Variants in DROSHA observed in about 807,000 individuals in gnomAD.
DROSHA encodes ribonuclease 3.
In DROSHA, 56 loss-of-function variants were observed where a neutral mutation model predicts 181.9. The observed-to-expected ratio is 0.31, with a 90% CI of 0.25 to 0.38. DROSHA has a LOEUF of 0.38. DROSHA is among the 10% of genes least tolerant of loss of function. The pLI is 1.00. For missense variants in DROSHA, 1,218 were observed against 1,743.5 expected, an observed-to-expected ratio of 0.70 and a Z score of 5.37; for synonymous variants, 524 against 591.2, an observed-to-expected ratio of 0.89 and a Z score of 1.65.
intron 3 of DROSHA, among the ~76,000 whole-genome samples, chr5:31,529,653 T>C (rs749068654): frequency 4.7e-5 from 7 of 148,800 alleles, no homozygotes; most frequent in Non-Finnish European, 8.9e-5. Context: ...GAGAATGACA[T>C]GAACCTGGGA....
intron 20 of DROSHA, 28 bp from the exon 21 acceptor site, chr5:31,451,668 AACTTTATAAAAACTTAT>A: frequency 6.6e-7 from 1 of 1,524,058 alleles, no homozygotes; most frequent in Non-Finnish European, 8.9e-7. Context: ...CAATATGTTT[AACTTTATAAAAACTTAT>A]AAAGTCACTT....
rs1742922673 is a variant in DROSHA, at chr5:31,422,779, T to A, written c.3419+8A>T. 5.6e-6 allele frequency: 9 copies of A among 1,613,440 alleles called. No individual in the cohort carries two copies. Among genetic ancestry groups the A allele is most frequent in the Non-Finnish European group, 7.6e-6 (9 of 1,179,666 alleles). On this transcript the variant is annotated splice_region_variant and intron_variant, in intron 29 of 35. Transcript: ENST00000344624. ...CACATTGGGACTACATGAGAACTTT[T>A]AACTCACAGGGTCAGATGGTTAAAT...
At chr5:31,511,931 G>GCACACA (rs140148677) in intron 8 of DROSHA, among the ~76,000 whole-genome samples, 1 of 145,424 alleles carries the variant, frequency 6.9e-6, no homozygotes, top group Non-Finnish European at 1.5e-5. Context: ...TCACACACAC[G>GCACACA]CACACACACA....
chr5:31,411,007 G>A lies in DROSHA; in HGVS notation c.3526-120C>T, dbSNP rs1741246608. On this transcript the variant is annotated intron_variant, in intron 30 of 35. Coordinates refer to ENST00000344624, the MANE Select transcript of DROSHA (RefSeq NM_001382508.1). The surrounding 1 kb of genome is among the most constrained non-coding windows in gnomAD (Gnocchi z 4.2). ...TGACAGGGACACCAAAATAAGTGAGGTCTATGGCCTCAACCATCACCCAGA... is the reference window on the plus strand; with the variant it reads ...TGACAGGGACACCAAAATAAGTGAGATCTATGGCCTCAACCATCACCCAGA... 2 of 1,408,834 alleles carry A rather than the reference G, an allele frequency of 1.4e-6. No homozygotes were observed. Among genetic ancestry groups the A allele is most frequent in the Non-Finnish European group, 1.9e-6 (2 of 1,036,482 alleles). 87.3% of individuals were successfully genotyped at this position (1,408,834 alleles called of 1,614,324 possible).
chr5:31,435,898 T>C (rs768872347), intron 24 of DROSHA, 34 bp from the exon 25 acceptor site: 18 of 1,590,500 alleles, frequency 1.1e-5, no homozygotes, highest in Non-Finnish European at 1.5e-5. Context: ...TGAATAAATA[T>C]GCATCACGAC....
At position 31,515,552 on chromosome 5, in the gene DROSHA, TA is replaced by T. The variant is rs1459930932; in HGVS notation, c.959del (p.Leu320TyrfsTer32). 9 of 1,551,328 alleles carry T rather than the reference TA, an allele frequency of 5.8e-6. No homozygotes were observed. The highest frequency in any genetic ancestry group is 7.8e-6 in the Non-Finnish European group (9 of 1,146,666). ...EYKRSGRSYG[L>X]SVVPEPAGCT... is the part of the protein sequence containing the mutation. ...ATCCAGCAGGTTCAGGAACAACCGA[TA>T]AACCGTAACTCCTAAAAGAAAAAGA... On this transcript the variant is annotated frameshift_variant, in exon 7 of 36. Transcript: ENST00000344624. LOFTEE classifies it high-confidence loss of function.
At chr5:31,478,614 A>T (rs1750673223) in intron 16 of DROSHA, among the ~76,000 whole-genome samples, 1 of 152,180 alleles carries the variant, frequency 6.6e-6, no homozygotes, top group Non-Finnish European at 1.5e-5. Flanking sequence ...GGTCCCTGTA[A>T]TCTCAGCAAC....
At chr5:31,406,480 ACT>A (rs1430407261) in intron 34 of DROSHA, among the ~76,000 whole-genome samples, 1 of 151,208 alleles carries the variant, frequency 6.6e-6, no homozygotes, top group East Asian at 1.9e-4. Flanking sequence ...ACAAAGTGAG[ACT>A]CTGTCTCCAA....
intron 6 of DROSHA, among the ~76,000 whole-genome samples, chr5:31,518,688 G>T (rs1739534494): frequency 6.6e-6 from 1 of 152,124 alleles, no homozygotes; most frequent in Admixed American, 6.5e-5. Flanking sequence ...AAGCCTAGGA[G>T]GCAGATATTA....
Position 31,446,185 on chromosome 5 carries a change from G to C in DROSHA, c.2882+2362C>G, listed in dbSNP as rs577410223. 5.9e-5 allele frequency among the ~76,000 whole-genome samples: 9 copies of C among 152,152 alleles called. No individual in the cohort carries two copies. The East Asian group carries it at 1.4e-3, about 23-fold the overall frequency. On this transcript the variant is annotated intron_variant, in intron 23 of 35. Transcript: ENST00000344624. ...TTCCAGGCCGGGCGTGGTGGCTCAC[G>C]CCTGTAATCCCAGCACTTTGGGAGG...
chr5:31,498,107 G>A (rs72751602), intron 11 of DROSHA, among the ~76,000 whole-genome samples: 4 of 152,166 alleles, frequency 2.6e-5, no homozygotes, highest in Admixed American at 2.6e-4. Flanking sequence ...TATGAAAGCT[G>A]CATCTGTGCC....
At position 31,526,130 on chromosome 5, in the gene DROSHA, T is replaced by A; in HGVS notation, c.803A>T (p.Asp268Val). ...AGATGGTGTTCTCCCTCGGTCATAATCAGATCTGTACCGGCTGTCTTGTCT... is the reference window on the plus strand; with the variant it reads ...AGATGGTGTTCTCCCTCGGTCATAAACAGATCTGTACCGGCTGTCTTGTCT... ...RRRQDSRYRSDYDRGRTPSRH... is the reference protein window; with the variant it reads ...RRRQDSRYRSVYDRGRTPSRH... The change falls in exon 5 of 36, where the codon GAT becomes GTT. Residue 268 changes from aspartate to valine, a missense_variant. Around this residue, in one of 8 missense-constraint regions of DROSHA, gnomAD observed 536 missense variants for 535.4 expected, o/e 1.00. Coordinates refer to ENST00000344624, the MANE Select transcript of DROSHA (RefSeq NM_001382508.1). The A allele has an allele frequency of 6.2e-7, 1 of 1,612,216 alleles. No individual in the cohort carries two copies. The highest frequency in any genetic ancestry group is 8.5e-7 in the Non-Finnish European group (1 of 1,178,520).
chr5:31,482,115 G>A (rs1250004502), intron 16 of DROSHA, among the ~76,000 whole-genome samples: 1 of 152,226 alleles, frequency 6.6e-6, no homozygotes, highest in African/African-American at 2.4e-5. Flanking sequence ...AAGGAGGACA[G>A]CACAAACACA....
At chr5:31,507,537 G>A (rs1738134471) in intron 10 of DROSHA, among the ~76,000 whole-genome samples, 1 of 151,790 alleles carries the variant, frequency 6.6e-6, no homozygotes, top group Non-Finnish European at 1.5e-5. Flanking sequence ...AGCAGGTTTG[G>A]CCTGGGAAGT....
chr5:31,519,372 T>C (rs757261172), intron 6 of DROSHA, among the ~76,000 whole-genome samples: 2 of 152,148 alleles, frequency 1.3e-5, no homozygotes, highest in Non-Finnish European at 2.9e-5. Flanking sequence ...TGGCATTTCA[T>C]CCTTCCTAAT....
intron 20 of DROSHA, among the ~76,000 whole-genome samples, chr5:31,462,880 A>G (rs1405507952): frequency 6.6e-6 from 1 of 152,164 alleles, no homozygotes; most frequent in Non-Finnish European, 1.5e-5. Flanking sequence ...GTTCAAAACT[A>G]CTAACTAGAA....
At chr5:31,477,120 C>G (rs778107425) in intron 16 of DROSHA, among the ~76,000 whole-genome samples, 9 of 152,146 alleles carry the variant, frequency 5.9e-5, no homozygotes, top group Non-Finnish European at 1.2e-4. Context: ...TCGGGAAGAA[C>G]TGGAGTTTGT....
intron 22 of DROSHA, 95 bp downstream of exon 22, chr5:31,449,186 G>T: frequency 6.8e-7 from 1 of 1,464,882 alleles, no homozygotes; most frequent in Non-Finnish European, 9.2e-7. Context: ...CGGTGAAAGA[G>T]TCACCCAGGG....
chr5:31,430,184 G>A (rs1266707098), intron 26 of DROSHA, among the ~76,000 whole-genome samples: 1 of 152,186 alleles, frequency 6.6e-6, no homozygotes, highest in Non-Finnish European at 1.5e-5. Flanking sequence ...CATGTAAAAT[G>A]TTAAGGCACT....
Sources: allele counts gnomAD v4.1 joint callset (sites outside exome capture counted in the v4.1 genomes callset), GRCh38; gene constraint gnomAD v4.1.1; regional missense constraint gnomAD v4.1.1; non-coding constraint Gnocchi (gnomAD v3.1); transcripts MANE v1.5; gene names NCBI Gene and HGNC (gene_info 2026-07-23, HGNC 2026-07-21).